The following USH2A variants were observed in gnomAD, a reference collection of about 807,000 sequenced individuals.
USH2A encodes usherin, also known as Usher syndrome 2A (autosomal recessive, mild).
Under a neutral mutation model 538.9 loss-of-function variants are expected in USH2A, and 443 were observed. That is an observed-to-expected ratio of 0.82 (90% CI 0.76 to 0.89). The LOEUF (loss-of-function observed/expected upper bound fraction) is 0.89, where lower values mean the gene tolerates loss of function less well. Ranked by LOEUF, USH2A falls within the 40% of genes least tolerant of loss-of-function variation. USH2A has a pLI of 0.00. For synonymous variants in USH2A, 2,413 were observed against 2,273.5 expected (o/e 1.06, Z -1.75); for missense variants, 6,633 against 6,324.8 (o/e 1.05, Z -1.65).
intron 9 of USH2A, among the ~76,000 whole-genome samples, chr1:216,305,366 C>A (rs1478456600): frequency 2.6e-5 from 4 of 152,012 alleles, no homozygotes; most frequent in Non-Finnish European, 5.9e-5. Context: ...CGTGGAATAT[C>A]TTTTTCCACC....
chr1:215,700,984 T>C (rs1658994849), intron 61 of USH2A, among the ~76,000 whole-genome samples: 1 of 152,334 alleles, frequency 6.6e-6, no homozygotes, highest in South Asian at 2.1e-4. Context: ...TTTAGCTGTG[T>C]CCCAGAGATT....
chr1:216,304,889 A>G (rs1483545349), intron 9 of USH2A, among the ~76,000 whole-genome samples: 3 of 151,954 alleles, frequency 2.0e-5, no homozygotes, highest in Admixed American at 2.0e-4. Flanking sequence ...AGTACTTGAT[A>G]TAATTTCAGT....
chr1:216,326,062 CTGTTT>C (rs1346721506), intron 5 of USH2A, among the ~76,000 whole-genome samples: 3 of 152,190 alleles, frequency 2.0e-5, no homozygotes, highest in African/African-American at 7.2e-5. Flanking sequence ...TTATCTGCTT[CTGTTT>C]TAAGTGAAGG....
intron 11 of USH2A, among the ~76,000 whole-genome samples, chr1:216,273,107 C>T (rs936347750): frequency 1.3e-5 from 2 of 152,088 alleles, no homozygotes; most frequent in Non-Finnish European, 2.9e-5. Context: ...ACACCACCAG[C>T]AGTCACAAAA....
chr1:215,716,261 T>C (rs1198431311), intron 61 of USH2A, among the ~76,000 whole-genome samples: 1 of 152,248 alleles, frequency 6.6e-6, no homozygotes, highest in Admixed American at 6.5e-5. Flanking sequence ...GCCCAATTAA[T>C]TTTTCATGTA....
chr1:215,830,989 G>GT, intron 47 of USH2A, among the ~76,000 whole-genome samples: 1 of 152,198 alleles, frequency 6.6e-6, no homozygotes, highest in East Asian at 1.9e-4. Context: ...TTTTTATAAC[G>GT]TAATATTCAA....
intron 61 of USH2A, among the ~76,000 whole-genome samples, chr1:215,698,388 G>C (rs1658886712): frequency 6.6e-6 from 1 of 152,132 alleles, no homozygotes; most frequent in Non-Finnish European, 1.5e-5. Context: ...AGATCCTTGA[G>C]GAATCACCAC....
At chr1:215,923,778 T>C (rs1398584307) in intron 38 of USH2A, among the ~76,000 whole-genome samples, 7 of 152,050 alleles carry the variant, frequency 4.6e-5, no homozygotes, top group Admixed American at 3.9e-4. Context: ...TATCCTATTA[T>C]ATGCCTGAGC....
chr1:216,411,075 AG>A (rs2039481593), intron 3 of USH2A, among the ~76,000 whole-genome samples: 1 of 151,610 alleles, frequency 6.6e-6, no homozygotes, highest in Non-Finnish European at 1.5e-5. Context: ...AGTTCAATAG[AG>A]TTCCATTTAA....
chr1:215,869,129 ACT>A (rs758950900), intron 43 of USH2A, among the ~76,000 whole-genome samples: 3 of 152,140 alleles, frequency 2.0e-5, no homozygotes, highest in Admixed American at 1.3e-4. Flanking sequence ...TCCTCACAAA[ACT>A]CTATAAGGTG....
chr1:215,960,051 T>C (rs112096220), intron 37 of USH2A, among the ~76,000 whole-genome samples: 1 of 152,138 alleles, frequency 6.6e-6, no homozygotes, highest in Non-Finnish European at 1.5e-5. Context: ...CCAAGGGAAG[T>C]CTAGTAGTAA....
intron 21 of USH2A, among the ~76,000 whole-genome samples, chr1:216,101,703 G>C (rs532459021): frequency 1.3e-5 from 2 of 152,258 alleles, no homozygotes; most frequent in African/African-American, 2.4e-5. Flanking sequence ...TTTAGACTTT[G>C]ATTTTCAAAA....
intron 9 of USH2A, among the ~76,000 whole-genome samples, chr1:216,320,840 A>G (rs1304365753): frequency 6.6e-6 from 1 of 152,096 alleles, no homozygotes; most frequent in Non-Finnish European, 1.5e-5. Flanking sequence ...TGTTAACATG[A>G]TGCAAATATT....
intron 32 of USH2A, among the ~76,000 whole-genome samples, chr1:216,023,397 T>C (rs1414699042): frequency 7.1e-6 from 1 of 140,996 alleles, no homozygotes; most frequent in African/African-American, 2.6e-5. Context: ...TCTTTCTCCC[T>C]TTTTTTATGT....
At chr1:216,346,886 G>C (rs989964386) in intron 4 of USH2A, among the ~76,000 whole-genome samples, 1 of 151,898 alleles carries the variant, frequency 6.6e-6, no homozygotes, top group African/African-American at 2.4e-5. Context: ...CTGCATATGT[G>C]ATATAAAAGA....
At chr1:215,874,588 A>AT (rs753602342) in intron 43 of USH2A, among the ~76,000 whole-genome samples, 4 of 152,218 alleles carry the variant, frequency 2.6e-5, no homozygotes, top group Non-Finnish European at 5.9e-5. Context: ...CTTAGCCAAA[A>AT]TAGACCACTT....
chr1:216,091,263 T>C (rs2032294737), intron 22 of USH2A, among the ~76,000 whole-genome samples: 1 of 152,206 alleles, frequency 6.6e-6, no homozygotes, highest in Non-Finnish European at 1.5e-5. Flanking sequence ...AAGCTTTCAT[T>C]TTCACAGCTT....
intron 61 of USH2A, among the ~76,000 whole-genome samples, chr1:215,693,152 ATTTTTTT>A (rs34085776): frequency 6.9e-6 from 1 of 144,802 alleles, no homozygotes; most frequent in South Asian, 2.2e-4. Context: ...ACACATATGT[ATTTTTTT>A]TTGTGGATAC....
intron 38 of USH2A, among the ~76,000 whole-genome samples, chr1:215,929,836 C>T (rs1016551640): frequency 6.6e-6 from 1 of 151,948 alleles, no homozygotes; most frequent in Non-Finnish European, 1.5e-5. Context: ...AGGACTCCAA[C>T]GTCTATGCTT....
Sources: allele counts gnomAD v4.1 joint callset (sites outside exome capture counted in the v4.1 genomes callset), GRCh38; gene constraint gnomAD v4.1.1; transcripts MANE v1.5; gene names NCBI Gene and HGNC (gene_info 2026-07-23, HGNC 2026-07-21).